The following PRH1 variants were observed in gnomAD, a reference collection of about 807,000 sequenced individuals.
PRH1 encodes proline rich protein HaeIII subfamily 1.
Under a neutral mutation model 7.9 loss-of-function variants are expected in PRH1, and 7 were observed. The observed-to-expected ratio is 0.89, with a 90% CI of 0.50 to 1.67. The LOEUF is 1.67. Ranked by LOEUF, PRH1 falls within the 40% of genes most tolerant of loss-of-function variation. The pLI, the probability that PRH1 is intolerant of heterozygous loss-of-function variation, is 0.00. For missense variants in PRH1, 109 were observed against 223.6 expected, an observed-to-expected ratio of 0.49 and a Z score of 3.27; for synonymous variants, 45 against 80.8, an observed-to-expected ratio of 0.56 and a Z score of 2.38.
In PRH1 at chr12:11,124,089, C is replaced by T. The variant is rs79730027; in HGVS notation, n.40-2909G>A. Among the ~76,000 whole-genome samples, 282 of 146,350 alleles carry T rather than the reference C, an allele frequency of 1.9e-3. 2 individuals carry two copies. Among genetic ancestry groups the T allele is most frequent in the African/African-American group, 6.5e-3 (265 of 40,568 alleles). On this transcript the variant is annotated intron_variant and non_coding_transcript_variant, in intron 1 of 1. Transcript: ENST00000541175. ...AATTTACCTTCAATTTGAAAGAAAC[C>T]GGAAATGAAGTTCATATAAGTAGCT...
chr12:10,988,471 G>T (rs1378078142), intron 1 of PRH1, among the ~76,000 whole-genome samples: 5 of 152,108 alleles, frequency 3.3e-5, no homozygotes, highest in Non-Finnish European at 5.9e-5. Flanking sequence ...CTAAAATAAA[G>T]TTCCTACTTC....
At chr12:11,133,120 TACAC>T (rs10645657) in intron 1 of PRH1, 27 of 497,234 alleles carry the variant, frequency 5.4e-5, no homozygotes, top group South Asian at 1.8e-4. Context: ...CAGTTTTTCA[TACAC>T]ACACACACAC....
intron 2 of PRH1, chr12:10,938,151 T>A: frequency 1.3e-6 from 1 of 777,190 alleles, no homozygotes; most frequent in Non-Finnish European, 2.0e-6. Context: ...CAAGCATATC[T>A]TTGTAAAATT....
chr12:11,133,326 G>T, intron 1 of PRH1: 1 of 1,613,668 alleles, frequency 6.2e-7, no homozygotes, highest in Non-Finnish European at 8.5e-7. Flanking sequence ...CTATGGAGAC[G>T]AAGGCTTCTG....
chr12:10,899,998 A>AT (rs1203320410), intron 2 of PRH1, among the ~76,000 whole-genome samples: 2 of 152,224 alleles, frequency 1.3e-5, no homozygotes, highest in African/African-American at 4.8e-5. Flanking sequence ...GAAGAAAAAA[A>AT]TACCAACCTA....
At chr12:10,951,760 T>C (rs1231565159) in intron 2 of PRH1, among the ~76,000 whole-genome samples, 1 of 152,234 alleles carries the variant, frequency 6.6e-6, no homozygotes, top group Non-Finnish European at 1.5e-5. Context: ...GTGTTTTCGA[T>C]TGAAGAATAT....
intron 1 of PRH1, among the ~76,000 whole-genome samples, chr12:11,003,260 TATTC>T (rs1940678489): frequency 6.6e-6 from 1 of 152,082 alleles, no homozygotes; most frequent in Admixed American, 6.6e-5. Context: ...CCTAGTTTTA[TATTC>T]ATTAATTTAC....
chr12:11,017,587 C>A (rs1426825949), intron 1 of PRH1, among the ~76,000 whole-genome samples: 1 of 152,124 alleles, frequency 6.6e-6, no homozygotes, highest in Non-Finnish European at 1.5e-5. Context: ...TGGGTTCAAT[C>A]AATTCAAATC....
At chr12:11,139,051 A>G (rs1946634979) in intron 1 of PRH1, among the ~76,000 whole-genome samples, 1 of 152,198 alleles carries the variant, frequency 6.6e-6, no homozygotes, top group Non-Finnish European at 1.5e-5. Context: ...AAATAAAAAA[A>G]GTTTTAAATT....
chr12:11,061,860 A>G (rs762971828), intron 1 of PRH1: 2 of 1,614,140 alleles, frequency 1.2e-6, no homozygotes, highest in Non-Finnish European at 1.7e-6. Flanking sequence ...TGTTTATCAC[A>G]AAAAGATGAC....
At chr12:10,881,854 A>G (rs915334505) in intron 3 of PRH1, among the ~76,000 whole-genome samples, 4 of 152,220 alleles carry the variant, frequency 2.6e-5, no homozygotes, top group African/African-American at 9.6e-5. Flanking sequence ...TGAAAGCCTG[A>G]TGTGAGGCAG....
At position 11,069,041 on chromosome 12, in the gene PRH1, C is replaced by T. The variant is rs183016273; in HGVS notation, n.124-21853G>A. On this transcript the variant is annotated intron_variant and non_coding_transcript_variant, in intron 1 of 4. Coordinates refer to the PRH1 transcript ENST00000541977. ...CAAGCTATCCTCCCACCTTAGCCTC[C>T]CAGGTAGCTAGGACTGCAGGTGGAC... 4.3e-4 allele frequency among the ~76,000 whole-genome samples: 65 copies of T among 151,938 alleles called. 9 individuals are homozygous for T. Among genetic ancestry groups the T allele is most frequent in the Admixed American group, 4.0e-3 (61 of 15,244 alleles).
intron 1 of PRH1, chr12:10,997,361 A>G: frequency 1.9e-6 from 3 of 1,614,120 alleles, no homozygotes; most frequent in South Asian, 1.1e-5. Flanking sequence ...GGAAAGGTGC[A>G]TTGCATTCCT....
intron 1 of PRH1, among the ~76,000 whole-genome samples, chr12:11,015,364 G>A (rs1565550907): frequency 6.6e-6 from 1 of 152,196 alleles, no homozygotes; most frequent in Non-Finnish European, 1.5e-5. Flanking sequence ...TGCCCACTGT[G>A]GTCTCTTCCA....
At chr12:10,989,896 T>C (rs1481018013) in intron 1 of PRH1, among the ~76,000 whole-genome samples, 1 of 152,230 alleles carries the variant, frequency 6.6e-6, no homozygotes, top group Non-Finnish European at 1.5e-5. Flanking sequence ...TTCCTCTACC[T>C]ACTTTTCAGA....
chr12:11,164,307 A>T (rs35760416), intron 1 of PRH1, among the ~76,000 whole-genome samples: 32,182 of 152,086 alleles, frequency 0.21, 3,996 homozygotes, highest in Non-Finnish European at 0.27. Flanking sequence ...TTGAGTGGAG[A>T]CATCCATCTC....
intron 1 of PRH1, among the ~76,000 whole-genome samples, chr12:11,135,627 G>A (rs1012902574): frequency 6.6e-6 from 1 of 152,172 alleles, no homozygotes; most frequent in African/African-American, 2.4e-5. Flanking sequence ...AACCAAGAGT[G>A]TGGGAAATGT....
At chr12:11,016,640 C>A (rs371069158) in intron 1 of PRH1, among the ~76,000 whole-genome samples, 2 of 152,178 alleles carry the variant, frequency 1.3e-5, no homozygotes, top group East Asian at 1.9e-4. Context: ...CATACCCAGC[C>A]TGCAGAGGGA....
chr12:10,922,068 T>A (rs571766952), intron 2 of PRH1, among the ~76,000 whole-genome samples: 148 of 152,294 alleles, frequency 9.7e-4, no homozygotes, highest in African/African-American at 1.5e-3. Flanking sequence ...CAGCACCCTG[T>A]CATGCCTCTG....
Sources: gnomAD v4.1 joint callset for allele counts (sites outside exome capture counted in the v4.1 genomes callset) on GRCh38, gnomAD v4.1.1 for gene constraint, MANE v1.5 for transcripts, NCBI Gene and HGNC (gene_info 2026-07-23, HGNC 2026-07-21) for gene names.